Variants in AGL observed in about 807,000 individuals in gnomAD.
AGL encodes amylo-alpha-1,6-glucosidase and 4-alpha-glucanotransferase, also known as glycogen debranching enzyme.
Under a neutral mutation model 199.3 loss-of-function variants are expected in AGL, and 128 were observed. The ratio of observed to expected loss-of-function variants is 0.64; its 90% CI spans 0.56 to 0.74. The LOEUF (loss-of-function observed/expected upper bound fraction) is 0.74. Ranked by LOEUF, AGL falls within the 30% of genes least tolerant of loss-of-function variation. The probability of loss-of-function intolerance (pLI) is 0.00; values close to 1 mark genes in which losing one functional copy is unlikely to be tolerated. For synonymous variants in AGL, 584 were observed against 594.7 expected, an observed-to-expected ratio of 0.98 and a Z score of 0.26; for missense variants, 1,809 against 1,820.8, an observed-to-expected ratio of 0.99 and a Z score of 0.12.
At chr1:99,851,543 A>G (rs1426461050) in intron 2 of AGL, among the ~76,000 whole-genome samples, 1 of 152,218 alleles carries the variant, frequency 6.6e-6, no homozygotes, top group Non-Finnish European at 1.5e-5. Flanking sequence ...TTGAATTGAC[A>G]AAATAGATTG....
chr1:99,860,382 C>T (rs912446806), intron 2 of AGL, among the ~76,000 whole-genome samples: 1 of 151,902 alleles, frequency 6.6e-6, no homozygotes, highest in Admixed American at 6.6e-5. Flanking sequence ...GTTATTATTG[C>T]CCATTATTAA....
rs551133482 is a variant in AGL at position 99,905,372 on chromosome 1, T to TTTTTTGTTG, written c.3700+2580_3700+2581insTTTGTTGTT. On this transcript the variant is annotated intron_variant, in intron 27 of 33. Transcript: ENST00000361915. ...CACCACAACTAGCTAATTTTTTGTATTTGTTGTTGTTGTTGTTGTTGTTGT... is the reference window on the plus strand; with the variant it reads ...CACCACAACTAGCTAATTTTTTGTATTTTTTGTTGTTGTTGTTGTTGTTGTTGTTGTTGT... Among the ~76,000 whole-genome samples the TTTTTTGTTG allele has an allele frequency of 2.6e-3, 389 of 151,014 alleles. 2 individuals are homozygous for TTTTTTGTTG. The highest frequency in any genetic ancestry group is 9.2e-3 in the African/African-American group (378 of 41,008).
At chr1:99,890,993 ACAGTAGTCCCCTT>A in intron 21 of AGL, among the ~76,000 whole-genome samples, 1 of 152,132 alleles carries the variant, frequency 6.6e-6, no homozygotes. Flanking sequence ...ATCTCTTGTG[ACAGTAGTCCCCTT>A]CAGTATGCCT....
chr1:99,899,449 A>G (rs1653618435), intron 25 of AGL, among the ~76,000 whole-genome samples: 2 of 151,878 alleles, frequency 1.3e-5, no homozygotes, highest in South Asian at 4.1e-4. Context: ...ACTGTCTTCA[A>G]CCAGTTTTTA....
intron 2 of AGL, among the ~76,000 whole-genome samples, chr1:99,856,869 T>G (rs1434722244): frequency 1.3e-5 from 2 of 152,234 alleles, no homozygotes; most frequent in East Asian, 3.8e-4. Flanking sequence ...ACAATCTGAT[T>G]TCTCTATCTT....
intron 17 of AGL, among the ~76,000 whole-genome samples, chr1:99,882,006 G>A (rs765485955): frequency 4.6e-5 from 7 of 151,974 alleles, no homozygotes; most frequent in Non-Finnish European, 1.0e-4. Context: ...GGGCATGGTG[G>A]CACATGCCTG....
chr1:99,915,510 G>A lies in AGL; in HGVS notation c.4259+24G>A, dbSNP rs771445406. ...GAGTAAGTTGGAATATAAGTATTAA[G>A]AATGTTATCATATTTAATCCAAATA... On this transcript the variant is annotated intron_variant, in intron 31 of 33. Coordinates refer to ENST00000361915, the MANE Select transcript of AGL (RefSeq NM_000642.3). The A allele has an allele frequency of 1.9e-6, 3 of 1,540,198 alleles. No homozygotes were observed. The South Asian group carries it at 3.4e-5, about 17-fold the overall frequency.
intron 25 of AGL, among the ~76,000 whole-genome samples, chr1:99,900,034 A>G (rs1653696972): frequency 6.6e-6 from 1 of 151,774 alleles, no homozygotes; most frequent in African/African-American, 2.4e-5. Flanking sequence ...GGTTCAGGCA[A>G]TTCTCTTGCC....
At chr1:99,861,891 C>T (rs975245980) in intron 3 of AGL, among the ~76,000 whole-genome samples, 178 bp downstream of exon 3, 4 of 152,114 alleles carry the variant, frequency 2.6e-5, no homozygotes, top group Non-Finnish European at 5.9e-5. Context: ...CATTGCAGAG[C>T]TAAAGTATCA....
At position 99,915,463 on chromosome 1, in the gene AGL, T is replaced by C. The variant is rs764366057; in HGVS notation, c.4236T>C (p.Leu1412=). 25 of 1,612,952 alleles carry C rather than the reference T, an allele frequency of 1.5e-5. No homozygotes were observed. The highest frequency in any genetic ancestry group is 2.0e-5 in the Non-Finnish European group (24 of 1,179,156). The change falls in exon 31 of 34, where the codon CTT becomes CTC. Residue 1412 remains leucine (L), a synonymous_variant. Coordinates refer to ENST00000361915, the MANE Select transcript of AGL (RefSeq NM_000642.3). ...CAGAAAAAAAATTGCTTGGTCCCCT[T>C]GGCATGAAAACTTTAGATCCAGAGT... ...EIAEKKLLGP[L]GMKTLDPDDM... is the part of the protein sequence containing the mutation.
At chr1:99,895,732 T>A (rs1462759016) in intron 24 of AGL, among the ~76,000 whole-genome samples, 1 of 152,212 alleles carries the variant, frequency 6.6e-6, no homozygotes, top group East Asian at 1.9e-4. Flanking sequence ...CCTAGCACTT[T>A]GGGAAAGCAA....
At chr1:99,857,674 T>C (rs1248009904) in intron 2 of AGL, among the ~76,000 whole-genome samples, 1 of 150,366 alleles carries the variant, frequency 6.7e-6, no homozygotes, top group African/African-American at 2.5e-5. Flanking sequence ...CAGTCAGGCG[T>C]GGCGGCGCGC....
In AGL at chr1:99,876,571, ATCC is replaced by A. The variant is rs1651554040; in HGVS notation, c.1400_1402del (p.Pro467del). The A allele has an allele frequency of 6.2e-7, 1 of 1,613,906 alleles. No individual in the cohort carries two copies. The highest frequency in any genetic ancestry group is 1.3e-5 in the African/African-American group (1 of 74,912). ...CACAATGGATGGGTAATGGGAGATG[ATCC>A]TCTTCGAAACTTTGCTGAACCGGGT... On this transcript the variant is annotated inframe_deletion, in exon 11 of 34. Coordinates refer to ENST00000361915, the MANE Select transcript of AGL (RefSeq NM_000642.3).
chr1:99,860,856 T>TC (rs1370831695), intron 2 of AGL, among the ~76,000 whole-genome samples: 1 of 152,166 alleles, frequency 6.6e-6, no homozygotes, highest in Non-Finnish European at 1.5e-5. Flanking sequence ...CAGCAAACAC[T>TC]CCAAGTCAGA....
At chr1:99,905,858 G>C (rs1007678411) in intron 27 of AGL, among the ~76,000 whole-genome samples, 1 of 152,154 alleles carries the variant, frequency 6.6e-6, no homozygotes, top group African/African-American at 2.4e-5. Flanking sequence ...TGGGATTACA[G>C]GGATGAGCCA....
chr1:99,916,433 A>C lies in AGL; in HGVS notation c.4283A>C (p.Tyr1428Ser), dbSNP rs150532164. ...AGTGATATGGTTTACTGTGGAATTT[A>C]TGACAATGCATTAGACAATGACAAC... ...DPDDMVYCGI[Y>S]DNALDNDNYN... Residue 1428 changes from tyrosine to serine, a missense_variant, in exon 32 of 34, where the codon TAT becomes TCT. By Grantham distance (144) the Tyr-to-Ser change is moderately radical. Coordinates refer to ENST00000361915, the MANE Select transcript of AGL (RefSeq NM_000642.3). 34 of 1,611,730 alleles carry C rather than the reference A, an allele frequency of 2.1e-5. No homozygotes were observed. The highest frequency in any genetic ancestry group is 2.8e-5 in the Non-Finnish European group (33 of 1,178,566).
chr1:99,857,847 A>AGAGTGAGACCGTGGGGAGGGGGAGGG (rs1557743553), intron 2 of AGL, among the ~76,000 whole-genome samples: 1 of 8,226 alleles, frequency 1.2e-4, no homozygotes, highest in Non-Finnish European at 2.4e-4. Flanking sequence ...GGGGAGGGGG[A>AGAGTGAGACCGTGGGGAGGGGGAGGG]GGGGGGAAGA....
At chr1:99,879,705 C>A (rs1347772417) in intron 12 of AGL, among the ~76,000 whole-genome samples, 1 of 152,100 alleles carries the variant, frequency 6.6e-6, no homozygotes, top group Non-Finnish European at 1.5e-5. Flanking sequence ...CTTTTCCTCT[C>A]TCATGTCTCA....
At chr1:99,896,962 G>A (rs995393499) in intron 25 of AGL, among the ~76,000 whole-genome samples, 3 of 152,096 alleles carry the variant, frequency 2.0e-5, no homozygotes, top group South Asian at 4.2e-4. Flanking sequence ...GATTACAGGC[G>A]CCCGCCACCA....
Sources: gnomAD v4.1 joint callset for allele counts (sites outside exome capture counted in the v4.1 genomes callset) on GRCh38, gnomAD v4.1.1 for gene constraint, MANE v1.5 for transcripts, NCBI Gene and HGNC (gene_info 2026-07-23, HGNC 2026-07-21) for gene names.